The following TPT1 variants were observed in gnomAD, a reference collection of about 807,000 sequenced individuals.
The protein encoded by TPT1 is tumor protein, translationally-controlled 1.
Under a neutral mutation model 22.8 loss-of-function variants are expected in TPT1, and 5 were observed. The ratio of observed to expected loss-of-function variants is 0.22; its 90% CI spans 0.11 to 0.46. The LOEUF (loss-of-function observed/expected upper bound fraction) is 0.46, where lower values mean the gene tolerates loss of function less well. Among genes scored for constraint, TPT1 ranks in the 20% least tolerant of loss-of-function variants. TPT1 has a pLI of 0.99. For synonymous variants in TPT1, 89 were observed against 73.6 expected (o/e 1.21, Z -1.07); for missense variants, 130 against 218.7 (o/e 0.59, Z 2.56).
rs1003538158 is a variant in TPT1 at position 45,335,844 on chromosome 13, G to GTT, written c.*1541_*1542insAA. The GTT allele has an allele frequency of 6.6e-6, 1 of 152,232 alleles. No individual in the cohort carries two copies. Among genetic ancestry groups the GTT allele is most frequent in the Non-Finnish European group, 1.5e-5 (1 of 68,078 alleles). The allele number at this position is 152,232 out of a possible 1,614,324, so 9.4% of individuals were successfully genotyped here. A position where few individuals can be genotyped will look rare whatever the true frequency, so the allele number is the denominator to read the frequency against. Reference sequence around the variant, plus strand: ...CACGGGGTGCTGGGGGTTAACATTAGTATCTGCCTCAGGTTTTGGACACTA... The same window carrying GTT: ...CACGGGGTGCTGGGGGTTAACATTAGTTTATCTGCCTCAGGTTTTGGACACTA... On this transcript the variant is annotated 3_prime_UTR_variant, in exon 6 of 6. Transcript: ENST00000530705.
At position 45,336,032 on chromosome 13, in the gene TPT1, G is replaced by GA. The variant is rs1205388782; in HGVS notation, c.*1353dup. ...GACTATTTCCCAAAACTCACGTTTTGAAAATTCCCCTCCCAGGCTAGGCCT... is the reference window on the plus strand; with the variant it reads ...GACTATTTCCCAAAACTCACGTTTTGAAAAATTCCCCTCCCAGGCTAGGCCT... On this transcript the variant is annotated 3_prime_UTR_variant, in exon 6 of 6. Transcript: ENST00000530705. The GA allele has an allele frequency of 1.3e-5, 2 of 150,888 alleles. No homozygotes were observed. Among genetic ancestry groups the GA allele is most frequent in the African/African-American group, 5.0e-5 (2 of 40,226 alleles). 9.3% of individuals were successfully genotyped at this position (150,888 alleles called of 1,614,324 possible).
chr13:45,339,773 GACT>G, intron 3 of TPT1, 171 bp from the exon 4 acceptor site: 1 of 759,254 alleles, frequency 1.3e-6, no homozygotes, highest in Non-Finnish European at 2.1e-6. Flanking sequence ...ATTTCTTGTT[GACT>G]ATTTTCAAAA....
At chr13:45,340,331 GATTTCTC>G (rs1566177502) in intron 2 of TPT1, 147 bp from the exon 3 acceptor site, 3 of 1,127,142 alleles carry the variant, frequency 2.7e-6, no homozygotes, top group Non-Finnish European at 3.9e-6. Context: ...GTGACCCGTG[GATTTCTC>G]AAAACGACCT....
chr13:45,338,398 T>C (rs1878856487), intron 5 of TPT1: 1 of 540,796 alleles, frequency 1.8e-6, no homozygotes, highest in Non-Finnish European at 3.0e-6. Context: ...AAATTACAGG[T>C]GTGAGCCACC....
rs772236345 is a variant in TPT1 at position 45,340,678 on chromosome 13, C to G, written c.102+34G>C. 9.2e-5 allele frequency: 144 copies of G among 1,559,516 alleles called. No individual in the cohort carries two copies. The East Asian group carries it at 3.3e-3, about 36-fold the overall frequency. ...GGAGGAAACCCGAGCCCGCTCGGCC[C>G]GGACTCCCCCACGCGCAGGCCCGAC... On this transcript the variant is annotated intron_variant, in intron 2 of 5. Coordinates refer to ENST00000530705, the MANE Select transcript of TPT1 (RefSeq NM_003295.4).
chr13:45,340,392 A>G, intron 2 of TPT1: 1 of 841,512 alleles, frequency 1.2e-6, no homozygotes, highest in Non-Finnish European at 2.0e-6. Context: ...AAATGGGGTC[A>G]TTAAAAAGTT....
chr13:45,337,306 T>A lies in TPT1; in HGVS notation c.*80A>T. 7.3e-7 allele frequency: 1 copy of A among 1,374,908 alleles called. No individual in the cohort carries two copies. Among genetic ancestry groups the A allele is most frequent in the Non-Finnish European group, 1.0e-6 (1 of 965,266 alleles). The allele number at this position is 1,374,908 out of a possible 1,614,324, so 85.2% of individuals were successfully genotyped here. A position where few individuals can be genotyped will look rare whatever the true frequency, so the allele number is the denominator to read the frequency against. ...AAGATGACATCAGTCCCATTTGTCTTAAGTCCTGGTGTTGTGTGGATGACA... is the reference window on the plus strand; with the variant it reads ...AAGATGACATCAGTCCCATTTGTCTAAAGTCCTGGTGTTGTGTGGATGACA... On this transcript the variant is annotated 3_prime_UTR_variant, in exon 6 of 6. Transcript: ENST00000530705.
intron 2 of TPT1, 85 bp downstream of exon 2, chr13:45,340,627 G>T: frequency 1.4e-6 from 2 of 1,451,464 alleles, no homozygotes; most frequent in Non-Finnish European, 1.9e-6. Context: ...CGGCGGGGAG[G>T]ATTGCACAAC....
In TPT1 at chr13:45,335,865, C is replaced by CACTATG. The variant is rs1878641661; in HGVS notation, c.*1515_*1520dup. The CACTATG allele has an allele frequency of 6.6e-6, 1 of 152,162 alleles. No individual in the cohort carries two copies. Among genetic ancestry groups the CACTATG allele is most frequent in the African/African-American group, 2.4e-5 (1 of 41,426 alleles). 9.4% of individuals were successfully genotyped at this position (152,162 alleles called of 1,614,324 possible). A position where few individuals can be genotyped will look rare whatever the true frequency, so the allele number is the denominator to read the frequency against. ...ATTAGTATCTGCCTCAGGTTTTGGA[C>CACTATG]ACTATGGACAGTCTGGAATTTGACA... On this transcript the variant is annotated 3_prime_UTR_variant, in exon 6 of 6. Transcript: ENST00000530705.
chr13:45,336,340 C>T lies in TPT1; in HGVS notation c.*1046G>A, dbSNP rs1878691891. On this transcript the variant is annotated 3_prime_UTR_variant, in exon 6 of 6. Coordinates refer to ENST00000530705, the MANE Select transcript of TPT1 (RefSeq NM_003295.4). ...CCTGTATTCCTCTATTCAATCTCAG[C>T]TGCCACAATTAGACAGACGGAAAGC... 6.6e-6 allele frequency: 1 copy of T among 151,928 alleles called. No homozygotes were observed. The highest frequency in any genetic ancestry group is 1.5e-5 in the Non-Finnish European group (1 of 67,838). The allele number at this position is 151,928 out of a possible 1,614,324, so 9.4% of individuals were successfully genotyped here.
intron 2 of TPT1, 62 bp from the exon 3 acceptor site, chr13:45,340,246 G>GC (rs1878998978): frequency 6.5e-7 from 1 of 1,535,422 alleles, no homozygotes; most frequent in South Asian, 1.2e-5. Context: ...CACCTTCCAC[G>GC]CCAATAGTTC....
chr13:45,339,399 C>A, intron 4 of TPT1, 98 bp downstream of exon 4: 1 of 1,034,918 alleles, frequency 9.7e-7, no homozygotes, highest in Non-Finnish European at 1.4e-6. Context: ...CTTTCTACAC[C>A]TGGAATACTA....
intron 3 of TPT1, 27 bp from the exon 4 acceptor site, chr13:45,339,629 G>A: frequency 6.4e-7 from 1 of 1,553,316 alleles, no homozygotes; most frequent in Non-Finnish European, 8.8e-7. Context: ...TTAACAGGTT[G>A]AAGTATTGAA....
In TPT1 at chr13:45,335,950, C is replaced by T. The variant is rs1878649828; in HGVS notation, c.*1436G>A. On this transcript the variant is annotated 3_prime_UTR_variant, in exon 6 of 6. Coordinates refer to ENST00000530705, the MANE Select transcript of TPT1 (RefSeq NM_003295.4). Reference sequence around the variant, plus strand: ...TTCACATGTTCAAGCAGACCAGAGTCACTGGCCTGCTTTTAATCTTTCTTT... The same window carrying T: ...TTCACATGTTCAAGCAGACCAGAGTTACTGGCCTGCTTTTAATCTTTCTTT... The T allele has an allele frequency of 6.6e-6, 1 of 152,192 alleles. No individual in the cohort carries two copies. The highest frequency in any genetic ancestry group is 1.5e-5 in the Non-Finnish European group (1 of 68,032). The allele number at this position is 152,192 out of a possible 1,614,324, so 9.4% of individuals were successfully genotyped here.
In TPT1 at chr13:45,340,707, C is replaced by A. The variant is rs1184972746; in HGVS notation, c.102+5G>T. The A allele has an allele frequency of 6.5e-7, 1 of 1,541,172 alleles. No homozygotes were observed. The highest frequency in any genetic ancestry group is 1.4e-5 in the African/African-American group (1 of 72,458). On this transcript the variant is annotated splice_donor_5th_base_variant and intron_variant, in intron 2 of 5. Transcript: ENST00000530705. ...CTCCCCCACGCGCAGGCCCGACCGA[C>A]TCACCTTCCCCTCCACCTCCAGGCA...
intron 3 of TPT1, 106 bp downstream of exon 3, chr13:45,339,888 G>A (rs999845180): frequency 3.1e-6 from 4 of 1,281,256 alleles, no homozygotes; most frequent in Non-Finnish European, 2.1e-6. Context: ...AAAAAAGCAA[G>A]GACTTTCACA....
intron 4 of TPT1, 177 bp from the exon 5 acceptor site, chr13:45,338,953 T>C (rs552766407): frequency 3.9e-6 from 2 of 518,174 alleles, no homozygotes; most frequent in African/African-American, 4.0e-5. Context: ...GGCACCTTAA[T>C]AGTGACCTAA....
At chr13:45,339,265 A>T in intron 4 of TPT1, 2 of 422,084 alleles carry the variant, frequency 4.7e-6, no homozygotes, top group Non-Finnish European at 8.3e-6. Flanking sequence ...TTGTAAGCAA[A>T]AAACTGAAAG....
At chr13:45,340,912 G>T in intron 1 of TPT1, 127 bp from the exon 2 acceptor site, 1 of 1,508,108 alleles carries the variant, frequency 6.6e-7, no homozygotes, top group Non-Finnish European at 8.9e-7. Flanking sequence ...CGAGCCCCGG[G>T]CACCGACCCC....
Sources: gnomAD v4.1 joint callset for allele counts on GRCh38, gnomAD v4.1.1 for gene constraint, MANE v1.5 for transcripts, NCBI Gene and HGNC (gene_info 2026-07-23, HGNC 2026-07-21) for gene names.